Variants in SASS6 observed in about 807,000 individuals in gnomAD.
SASS6 encodes SAS-6 centriolar assembly protein, also known as spindle assembly abnormal protein 6 homolog.
A neutral mutation model predicts 94.9 loss-of-function variants in SASS6; 59 were observed. That is an observed-to-expected ratio of 0.62 (90% CI 0.50 to 0.77). The LOEUF is 0.77. SASS6 is among the 30% of genes least tolerant of loss of function. The probability of loss-of-function intolerance (pLI) is 0.00; values close to 1 mark genes in which losing one functional copy is unlikely to be tolerated. For synonymous variants in SASS6, 264 were observed against 270.0 expected, an observed-to-expected ratio of 0.98 and a Z score of 0.22; for missense variants, 698 against 734.1, an observed-to-expected ratio of 0.95 and a Z score of 0.57.
chr1:100,113,441 T>C (rs1653531742), intron 7 of SASS6, among the ~76,000 whole-genome samples: 3 of 151,802 alleles, frequency 2.0e-5, no homozygotes, highest in East Asian at 1.9e-4. Context: ...ACCCTGTCTC[T>C]ACTAAAAAGA....
intron 2 of SASS6, among the ~76,000 whole-genome samples, chr1:100,124,365 C>T (rs1197962616): frequency 6.6e-6 from 1 of 152,128 alleles, no homozygotes; most frequent in East Asian, 1.9e-4. Flanking sequence ...AGCTATGGCA[C>T]ACAGAAAACA....
At chr1:100,087,142 C>T (rs1033512152) in intron 15 of SASS6, among the ~76,000 whole-genome samples, 3 of 152,040 alleles carry the variant, frequency 2.0e-5, no homozygotes, top group Non-Finnish European at 2.9e-5. Context: ...CCACCACGCC[C>T]GGTTAATTTT....
rs768393413 is a variant in SASS6, at chr1:100,085,357, A to C, written c.1945T>G (p.Tyr649Asp). Residue 649 changes from tyrosine to aspartate, a missense_variant, in exon 17 of 17, where the codon TAT (tyrosine) becomes GAT (aspartate). Tyr to Asp is a radical substitution (Grantham distance 160). Coordinates refer to ENST00000287482, the MANE Select transcript of SASS6 (RefSeq NM_194292.3). ...PTALPSASSA[Y>D]FPGQLPNS ...CTGTTTGGTAACTGCCCAGGGAAAT[A>C]GGCTGAAGACGCAGAGGGGAGCGCT... 6.2e-7 allele frequency: 1 copy of C among 1,612,680 alleles called. No individual in the cohort carries two copies. The highest frequency in any genetic ancestry group is 2.2e-5 in the East Asian group (1 of 44,864).
intron 7 of SASS6, among the ~76,000 whole-genome samples, chr1:100,111,376 A>T (rs1285621648): frequency 6.6e-6 from 1 of 152,064 alleles, no homozygotes. Flanking sequence ...TCACATCATT[A>T]AAAAATTCTT....
chr1:100,127,790 C>T (rs1654722006), intron 1 of SASS6, among the ~76,000 whole-genome samples: 1 of 141,450 alleles, frequency 7.1e-6, no homozygotes, highest in Non-Finnish European at 1.5e-5. Context: ...GGTTCAAGTC[C>T]AGTCTGGGCA....
At chr1:100,115,588 A>G (rs2658649) in intron 7 of SASS6, among the ~76,000 whole-genome samples, 144,773 of 152,266 alleles carry the variant, frequency 0.95, 68,849 homozygotes, top group East Asian at 1. Flanking sequence ...AGCACTTTGG[A>G]AAGCCAAGGA....
Position 100,088,229 on chromosome 1 carries a change from A to T in SASS6, c.1682T>A (p.Phe561Tyr), listed in dbSNP as rs1293168661. The stretch of plus-strand genomic sequence containing the variant: ...ATTTGGTTTTGTAAACTGCAAATTA[A>T]ACTGAACCTGTGAGAAGGAAAAACA... ...SHPGSGTKVQ[F>Y]NLQFTKPNAS... Residue 561 changes from phenylalanine to tyrosine, a missense_variant, in exon 15 of 17, where the codon TTT (phenylalanine) becomes TAT (tyrosine). Physicochemically the swap from Phe to Tyr is conservative, Grantham distance 22. Transcript: ENST00000287482. The T allele has an allele frequency of 1.3e-6, 2 of 1,565,882 alleles. No individual in the cohort carries two copies. Among genetic ancestry groups the T allele is most frequent in the African/African-American group, 2.7e-5 (2 of 74,020 alleles).
intron 14 of SASS6, among the ~76,000 whole-genome samples, chr1:100,091,765 T>G (rs1271434233): frequency 1.3e-5 from 2 of 150,564 alleles, no homozygotes; most frequent in Admixed American, 1.3e-4. Flanking sequence ...TAATCAAATC[T>G]GAAAAACAGA....
At chr1:100,100,775 C>T (rs1264233900) in intron 14 of SASS6, among the ~76,000 whole-genome samples, 1 of 152,160 alleles carries the variant, frequency 6.6e-6, no homozygotes, top group Non-Finnish European at 1.5e-5. Context: ...TTCAAAAGTA[C>T]ATGTTTTAAT....
At chr1:100,094,866 CA>C (rs555045794) in intron 14 of SASS6, among the ~76,000 whole-genome samples, 183 of 94,958 alleles carry the variant, frequency 1.9e-3, no homozygotes, top group Admixed American at 2.6e-3. Flanking sequence ...ACTCTGTCTC[CA>C]AAAAAAAAAA....
rs746975421 is a variant in SASS6 at position 100,107,602 on chromosome 1, T to C, written c.1146+26A>G. ...ATTTCTATGTAATTTAATGAAATAC[T>C]AGTCTATAAAATTTTTAAAACAAAC... On this transcript the variant is annotated intron_variant, in intron 10 of 16. Transcript: ENST00000287482. 3.9e-6 allele frequency: 6 copies of C among 1,547,190 alleles called. No individual in the cohort carries two copies. In the African/African-American group the frequency reaches 6.9e-5, roughly 18 times the overall value.
chr1:100,129,913 T>A (rs905463082), intron 1 of SASS6, among the ~76,000 whole-genome samples: 13 of 152,276 alleles, frequency 8.5e-5, no homozygotes, highest in Admixed American at 3.9e-4. Context: ...TCTCTGACTT[T>A]AGTGTACTTA....
intron 4 of SASS6, among the ~76,000 whole-genome samples, 177 bp downstream of exon 4, chr1:100,122,203 T>C (rs1654245264): frequency 6.6e-6 from 1 of 152,214 alleles, no homozygotes; most frequent in Non-Finnish European, 1.5e-5. Flanking sequence ...TTAAGAAATA[T>C]TTCTGATTTT....
chr1:100,105,726 G>A, intron 13 of SASS6, 41 bp downstream of exon 13: 2 of 1,588,210 alleles, frequency 1.3e-6, no homozygotes, highest in Non-Finnish European at 1.7e-6. Context: ...TTTGTTTCAG[G>A]AAATTCACTA....
At chr1:100,119,796 G>A (rs1162859838) in intron 6 of SASS6, among the ~76,000 whole-genome samples, 1 of 152,084 alleles carries the variant, frequency 6.6e-6, no homozygotes, top group East Asian at 1.9e-4. Context: ...ACTTCCTCAG[G>A]TCCCCACTAG....
chr1:100,119,416 G>A (rs1273314409), intron 6 of SASS6, among the ~76,000 whole-genome samples: 2 of 152,168 alleles, frequency 1.3e-5, no homozygotes, highest in Non-Finnish European at 2.9e-5. Flanking sequence ...ATAAAGAGGG[G>A]TAAGGGGAAG....
rs559733944 is a variant in SASS6 at position 100,120,793 on chromosome 1, G to A, written c.484-334C>T. On this transcript the variant is annotated intron_variant, in intron 5 of 16. Transcript: ENST00000287482. ...GGGCCGGGCGCGGTGGCTCACGCCT[G>A]TAGTCCCAGCACTTTGGGAGGCCGA... Among the ~76,000 whole-genome samples the A allele has an allele frequency of 1.2e-4, 18 of 152,230 alleles. No homozygotes were observed. The South Asian group carries it at 3.7e-3, about 32-fold the overall frequency.
At chr1:100,113,546 G>C (rs559994331) in intron 7 of SASS6, among the ~76,000 whole-genome samples, 55 of 151,536 alleles carry the variant, frequency 3.6e-4, no homozygotes, top group African/African-American at 1.2e-3. Flanking sequence ...GCGTGAACCC[G>C]GGAGGCAGAG....
At chr1:100,092,101 C>CG (rs1240620369) in intron 14 of SASS6, among the ~76,000 whole-genome samples, 1 of 149,848 alleles carries the variant, frequency 6.7e-6, no homozygotes, top group African/African-American at 2.4e-5. Context: ...AGTAAACCCC[C>CG]AAAAGGATAA....
Sources: allele counts gnomAD v4.1 joint callset (sites outside exome capture counted in the v4.1 genomes callset), GRCh38; gene constraint gnomAD v4.1.1; transcripts MANE v1.5; gene names NCBI Gene and HGNC (gene_info 2026-07-23, HGNC 2026-07-21).